DUSP11: variants seen among roughly 807,000 people sequenced by gnomAD.
DUSP11 encodes the protein RNA/RNP complex-1-interacting phosphatase.
Under a neutral mutation model 41.4 loss-of-function variants are expected in DUSP11, and 27 were observed. The ratio of observed to expected loss-of-function variants is 0.65; its 90% CI spans 0.48 to 0.90. The LOEUF is 0.90. DUSP11 is among the 40% of genes least tolerant of loss of function. The pLI, the probability that DUSP11 is intolerant of heterozygous loss-of-function variation, is 0.00. For missense variants in DUSP11, 465 were observed against 461.1 expected, an observed-to-expected ratio of 1.01 and a Z score of -0.08; for synonymous variants, 188 against 159.3, an observed-to-expected ratio of 1.18 and a Z score of -1.35.
intron 8 of DUSP11, among the ~76,000 whole-genome samples, chr2:73,765,625 T>C (rs1672446501): frequency 6.6e-6 from 1 of 152,186 alleles, no homozygotes. Flanking sequence ...GTTCTATCAT[T>C]CTGGAGAACT....
intron 5 of DUSP11, chr2:73,767,427 TA>T (rs1304883522): frequency 1.4e-5 from 6 of 422,354 alleles, no homozygotes; most frequent in African/African-American, 1.0e-4. Context: ...TCTATTTATA[TA>T]TTTATTTACA....
chr2:73,769,021 T>C (rs1407239306), intron 5 of DUSP11: 2 of 381,810 alleles, frequency 5.2e-6, no homozygotes, highest in African/African-American at 2.1e-5. Context: ...CTATCACATA[T>C]TAAATTAAAA....
At chr2:73,778,177 A>G in intron 2 of DUSP11, 124 bp downstream of exon 2, 1 of 548,404 alleles carries the variant, frequency 1.8e-6, no homozygotes, top group Non-Finnish European at 3.1e-6. Flanking sequence ...ATTTCAGGAT[A>G]GTAAAGGGGT....
At chr2:73,765,003 G>A (rs1018893493) in intron 8 of DUSP11, among the ~76,000 whole-genome samples, 1 of 152,172 alleles carries the variant, frequency 6.6e-6, no homozygotes, top group Non-Finnish European at 1.5e-5. Flanking sequence ...TAAATTAATA[G>A]GCAAGAATAA....
intron 3 of DUSP11, 115 bp from the exon 4 acceptor site, chr2:73,774,038 A>G (rs1040055036): frequency 1.7e-5 from 14 of 837,990 alleles, no homozygotes; most frequent in Non-Finnish European, 2.5e-5. Flanking sequence ...TAATATGCCA[A>G]TATCAGTATA....
chr2:73,776,332 G>A (rs1053372609), intron 2 of DUSP11, among the ~76,000 whole-genome samples: 14 of 149,418 alleles, frequency 9.4e-5, no homozygotes, highest in Admixed American at 5.4e-4. Flanking sequence ...GGAGAATGGC[G>A]TGAACCCAGG....
intron 5 of DUSP11, chr2:73,768,314 G>T: frequency 3.5e-6 from 1 of 282,012 alleles, no homozygotes; most frequent in Non-Finnish European, 5.3e-6. Flanking sequence ...AGGCATTTGT[G>T]TGATTCTTTA....
chr2:73,777,885 T>G (rs1558535818), intron 2 of DUSP11, among the ~76,000 whole-genome samples: 1 of 152,190 alleles, frequency 6.6e-6, no homozygotes, highest in Non-Finnish European at 1.5e-5. Context: ...ATCAACCAAA[T>G]GAAGATTATA....
chr2:73,763,799 C>A (rs1277777859), intron 8 of DUSP11, among the ~76,000 whole-genome samples: 1 of 152,156 alleles, frequency 6.6e-6, no homozygotes, highest in African/African-American at 2.4e-5. Flanking sequence ...ATCCCACTTA[C>A]TATAATTCAA....
At chr2:73,776,944 A>G (rs2567598) in intron 2 of DUSP11, among the ~76,000 whole-genome samples, 17,013 of 152,228 alleles carry the variant, frequency 0.11, 1,239 homozygotes, top group Admixed American at 0.18. Context: ...AGAGTATCAC[A>G]CAGAATAGTT....
At chr2:73,772,569 C>A (rs1374400680) in intron 4 of DUSP11, among the ~76,000 whole-genome samples, 22 of 152,140 alleles carry the variant, frequency 1.4e-4, no homozygotes, top group Admixed American at 1.4e-3. Context: ...CCTCACAGAA[C>A]AGATGAAGTG....
intron 4 of DUSP11, chr2:73,773,507 T>A: frequency 2.8e-6 from 1 of 360,080 alleles, no homozygotes; most frequent in African/African-American, 2.2e-5. Flanking sequence ...TCTTAACCAA[T>A]ATAGAAGACA....
chr2:73,769,266 T>G, exon 5 of DUSP11: 1 of 1,613,290 alleles, frequency 6.2e-7, no homozygotes, highest in Non-Finnish European at 8.5e-7. Flanking sequence ...GCAACTTACC[T>G]GCAAATGAGG....
chr2:73,771,415 T>C (rs1313027518), intron 4 of DUSP11, among the ~76,000 whole-genome samples: 1 of 152,174 alleles, frequency 6.6e-6, no homozygotes. Context: ...GAATGTTGTC[T>C]CCTGTCAGGC....
intron 8 of DUSP11, among the ~76,000 whole-genome samples, chr2:73,765,233 A>G (rs1672436534): frequency 6.6e-6 from 1 of 152,132 alleles, no homozygotes; most frequent in African/African-American, 2.4e-5. Flanking sequence ...GGCAGAGGAA[A>G]GGCAAATTGT....
chr2:73,779,735 A>G (rs769765848), intron 1 of DUSP11, 139 bp downstream of exon 1: 12 of 1,307,186 alleles, frequency 9.2e-6, no homozygotes, highest in Non-Finnish European at 1.2e-5. Flanking sequence ...GGTGGCGCAG[A>G]GGGTCAAAGC....
intron 8 of DUSP11, among the ~76,000 whole-genome samples, chr2:73,764,302 C>CT (rs2103924609): frequency 6.6e-6 from 1 of 151,760 alleles, no homozygotes; most frequent in Admixed American, 6.6e-5. Context: ...TTTCTTTTTT[C>CT]TTTTTTTAAT....
At chr2:73,779,128 C>A (rs1296701603) in intron 1 of DUSP11, among the ~76,000 whole-genome samples, 3 of 151,868 alleles carry the variant, frequency 2.0e-5, no homozygotes, top group South Asian at 4.2e-4. Context: ...TCCAGCCTGG[C>A]GGAGAAGAGC....
chr2:73,767,053 G>A, intron 6 of DUSP11, 108 bp downstream of exon 6: 1 of 1,301,886 alleles, frequency 7.7e-7, no homozygotes, highest in Non-Finnish European at 1.1e-6. Context: ...TCTTATATTG[G>A]AACAAACGAA....
Sources: allele counts gnomAD v4.1 joint callset (sites outside exome capture counted in the v4.1 genomes callset), GRCh38; gene constraint gnomAD v4.1.1; transcripts MANE v1.5; gene names NCBI Gene and HGNC (gene_info 2026-07-23, HGNC 2026-07-21).